Variants in BTBD16 observed in about 807,000 individuals in gnomAD.
The protein encoded by BTBD16 is BTB domain containing 16.
A neutral mutation model predicts 67.4 loss-of-function variants in BTBD16; 66 were observed. The observed-to-expected ratio is 0.98, with a 90% confidence interval of 0.80 to 1.20. The LOEUF is 1.20. Among genes scored for constraint, BTBD16 ranks in the 50% most tolerant of loss-of-function variants. The pLI, the probability that BTBD16 is intolerant of heterozygous loss-of-function variation, is 0.00. For missense variants in BTBD16, 634 were observed against 616.0 expected (o/e 1.03, Z -0.31); for synonymous variants, 242 against 236.4 (o/e 1.02, Z -0.22).
At chr10:122,328,609 T>A in intron 10 of BTBD16, 1 of 282,072 alleles carries the variant, frequency 3.5e-6, no homozygotes, top group Non-Finnish European at 5.4e-6. Flanking sequence ...GACACCACTC[T>A]TGATTTACGG....
intron 4 of BTBD16, among the ~76,000 whole-genome samples, chr10:122,284,448 CAAA>C (rs11287011): frequency 1.4e-5 from 2 of 146,856 alleles, no homozygotes; most frequent in African/African-American, 2.5e-5. Flanking sequence ...GACTCCATCT[CAAA>C]AAAAAAAAAA....
At chr10:122,274,762 C>A (rs763151382) in intron 1 of BTBD16, among the ~76,000 whole-genome samples, 2 of 152,090 alleles carry the variant, frequency 1.3e-5, no homozygotes, top group Admixed American at 6.5e-5. Context: ...GTCTTCCTCA[C>A]TTTGGCAAAG....
At chr10:122,324,205 T>C (rs898001795) in intron 10 of BTBD16, among the ~76,000 whole-genome samples, 2 of 152,206 alleles carry the variant, frequency 1.3e-5, no homozygotes, top group Admixed American at 6.5e-5. Context: ...GAATTCCTCC[T>C]CTTAGCTCCT....
chr10:122,277,701 T>A (rs1338122203), intron 3 of BTBD16, among the ~76,000 whole-genome samples: 1 of 152,022 alleles, frequency 6.6e-6, no homozygotes, highest in Non-Finnish European at 1.5e-5. Context: ...TTGTGGGAAC[T>A]AAGAGAGTAA....
intron 10 of BTBD16, among the ~76,000 whole-genome samples, chr10:122,320,166 C>A (rs1299218140): frequency 6.6e-6 from 1 of 151,976 alleles, no homozygotes. Context: ...TTATTTCTTC[C>A]TTTCTATCTG....
intron 9 of BTBD16, among the ~76,000 whole-genome samples, chr10:122,300,251 T>C (rs911907882): frequency 6.6e-6 from 1 of 152,132 alleles, no homozygotes; most frequent in Admixed American, 6.6e-5. Context: ...TGAAAATAAT[T>C]TCAAATTTAA....
intron 13 of BTBD16, chr10:122,332,920 G>A (rs2096457542): frequency 1.0e-6 from 1 of 985,138 alleles, no homozygotes; most frequent in Admixed American, 6.2e-5. Context: ...AGCTTATAGG[G>A]GTGAACTCAG....
chr10:122,291,327 C>A, intron 7 of BTBD16, 133 bp downstream of exon 7: 1 of 1,186,464 alleles, frequency 8.4e-7, no homozygotes, highest in Non-Finnish European at 1.1e-6. Context: ...CAAGCATGGC[C>A]TTGAGCCTGG....
intron 10 of BTBD16, among the ~76,000 whole-genome samples, chr10:122,324,436 A>G (rs2096440924): frequency 6.6e-6 from 1 of 152,228 alleles, no homozygotes; most frequent in African/African-American, 2.4e-5. Flanking sequence ...AGGGTGGGCG[A>G]GGCCATGTGC....
chr10:122,287,061 C>G (rs550507087), intron 5 of BTBD16, among the ~76,000 whole-genome samples: 54 of 152,294 alleles, frequency 3.5e-4, no homozygotes, highest in Non-Finnish European at 6.2e-4. Context: ...AGTCACTCCC[C>G]CTCCCTGAGC....
At chr10:122,318,518 T>C (rs2096430120) in intron 10 of BTBD16, among the ~76,000 whole-genome samples, 1 of 152,204 alleles carries the variant, frequency 6.6e-6, no homozygotes, top group African/African-American at 2.4e-5. Context: ...AATGGCTAGG[T>C]AAAACAGTAG....
At chr10:122,322,139 T>C (rs185682099) in intron 10 of BTBD16, among the ~76,000 whole-genome samples, 2 of 152,308 alleles carry the variant, frequency 1.3e-5, no homozygotes, top group East Asian at 3.9e-4. Flanking sequence ...AAAAACACCT[T>C]TTGACTTGAC....
At chr10:122,317,501 G>A (rs1253140277) in intron 10 of BTBD16, among the ~76,000 whole-genome samples, 1 of 151,994 alleles carries the variant, frequency 6.6e-6, no homozygotes, top group African/African-American at 2.4e-5. Flanking sequence ...CAAAAAATTA[G>A]CCGGGCATGG....
Position 122,308,693 on chromosome 10 carries a change from G to C in BTBD16, c.911+1385G>C, listed in dbSNP as rs116647671. ...AAAAGATGGGAAAGTGTAGGGCTTGGATGCTCTCCCCTGCACACTGTCCAG... is the reference window on the plus strand; with the variant it reads ...AAAAGATGGGAAAGTGTAGGGCTTGCATGCTCTCCCCTGCACACTGTCCAG... On this transcript the variant is annotated intron_variant, in intron 10 of 15. Coordinates refer to ENST00000260723, the MANE Select transcript of BTBD16 (RefSeq NM_144587.5). Among the ~76,000 whole-genome samples, 403 of 152,150 alleles carry C rather than the reference G, an allele frequency of 2.6e-3. 1 individual carries two copies. The highest frequency in any genetic ancestry group is 9.3e-3 in the African/African-American group (386 of 41,482).
chr10:122,317,246 G>T (rs371702008), intron 10 of BTBD16, among the ~76,000 whole-genome samples: 28 of 152,138 alleles, frequency 1.8e-4, no homozygotes, highest in African/African-American at 6.3e-4. Flanking sequence ...ACACAAACAC[G>T]TTATACAAGT....
At chr10:122,312,577 G>A (rs1177847959) in intron 10 of BTBD16, among the ~76,000 whole-genome samples, 1 of 152,066 alleles carries the variant, frequency 6.6e-6, no homozygotes, top group African/African-American at 2.4e-5. Flanking sequence ...GTCTCCCAAA[G>A]TGCTGGGATT....
chr10:122,303,273 A>T (rs1204809373), intron 9 of BTBD16, among the ~76,000 whole-genome samples: 1 of 152,172 alleles, frequency 6.6e-6, no homozygotes, highest in Admixed American at 6.5e-5. Flanking sequence ...ACTTGTGCAG[A>T]TTTAATCTAT....
At chr10:122,298,893 G>C in intron 8 of BTBD16, 111 bp from the exon 9 acceptor site, 1 of 1,396,054 alleles carries the variant, frequency 7.2e-7, no homozygotes. Flanking sequence ...AAAGGTTTGA[G>C]CGCCTCTGCA....
chr10:122,309,130 T>C (rs990738927), intron 10 of BTBD16, among the ~76,000 whole-genome samples: 2 of 152,118 alleles, frequency 1.3e-5, no homozygotes, highest in Admixed American at 1.3e-4. Context: ...GTCAGACTTT[T>C]TTTTCTCTTT....
Sources: allele counts gnomAD v4.1 joint callset (sites outside exome capture counted in the v4.1 genomes callset), GRCh38; gene constraint gnomAD v4.1.1; transcripts MANE v1.5; gene names NCBI Gene and HGNC (gene_info 2026-07-23, HGNC 2026-07-21).